The following SOS2 variants were observed in gnomAD, a reference collection of about 807,000 sequenced individuals.
SOS2 encodes SOS Ras/Rho guanine nucleotide exchange factor 2.
In SOS2, 65 loss-of-function variants were observed where a neutral mutation model predicts 148.2. That is an observed-to-expected ratio of 0.44 (90% CI 0.36 to 0.54). The LOEUF is 0.54. SOS2 is among the 20% of genes least tolerant of loss of function. SOS2 has a pLI of 0.00. For synonymous variants in SOS2, 539 were observed against 537.1 expected, an observed-to-expected ratio of 1.00 and a Z score of -0.05; for missense variants, 1,341 against 1,590.2, an observed-to-expected ratio of 0.84 and a Z score of 2.67.
chr14:50,159,434 C>G lies in SOS2; in HGVS notation c.1849G>C (p.Ala617Pro). 2 of 1,597,900 alleles carry G rather than the reference C, an allele frequency of 1.3e-6. No individual in the cohort carries two copies. Among genetic ancestry groups the G allele is most frequent in the Non-Finnish European group, 1.7e-6 (2 of 1,168,862 alleles). ...LIERLTYHMYADPNFVRTFLT... is the reference protein window; with the variant it reads ...LIERLTYHMYPDPNFVRTFLT... ...AGTTGTAATGAGTTTCACATACCTG[C>G]ATACATATGATATGTTAACCTTTCA... Residue 617 changes from alanine (A) to proline (P), a missense_variant, in exon 10 of 23, where the codon GCA becomes CCA. Physicochemically the swap from Ala to Pro is conservative, Grantham distance 27. Transcript: ENST00000216373.
At chr14:50,214,710 T>C (rs1265328798) in intron 1 of SOS2, among the ~76,000 whole-genome samples, 1 of 151,706 alleles carries the variant, frequency 6.6e-6, no homozygotes, top group East Asian at 1.9e-4. Flanking sequence ...CTTTTTTTTT[T>C]TTTTTTTCTT....
At chr14:50,194,903 C>T (rs1259684545) in intron 4 of SOS2, among the ~76,000 whole-genome samples, 1 of 151,870 alleles carries the variant, frequency 6.6e-6, no homozygotes, top group Non-Finnish European at 1.5e-5. Flanking sequence ...GGCACCTGGC[C>T]TTTTCAACAT....
chr14:50,186,200 TTATAG>T (rs1238336972), intron 5 of SOS2, among the ~76,000 whole-genome samples: 1 of 152,024 alleles, frequency 6.6e-6, no homozygotes, highest in Non-Finnish European at 1.5e-5. Flanking sequence ...CTAAAAAAAA[TTATAG>T]TAGATACAGA....
chr14:50,220,021 C>G (rs1238889543), intron 1 of SOS2, among the ~76,000 whole-genome samples: 1 of 151,670 alleles, frequency 6.6e-6, no homozygotes, highest in Non-Finnish European at 1.5e-5. Flanking sequence ...CACCAGCTCC[C>G]ATTTCTTGTT....
chr14:50,192,729 T>C (rs533461962), intron 4 of SOS2, among the ~76,000 whole-genome samples: 16 of 152,126 alleles, frequency 1.1e-4, no homozygotes, highest in African/African-American at 3.9e-4. Flanking sequence ...CCAGGCGTGG[T>C]GGCAAGTGCC....
intron 16 of SOS2, among the ~76,000 whole-genome samples, chr14:50,142,497 T>C (rs1186738378): frequency 6.6e-6 from 1 of 152,180 alleles, no homozygotes; most frequent in East Asian, 1.9e-4. Context: ...TCCCACATTA[T>C]TCTCAATACT....
intron 4 of SOS2, 48 bp from the exon 5 acceptor site, chr14:50,188,748 A>T: frequency 7.8e-7 from 1 of 1,288,088 alleles, no homozygotes; most frequent in Non-Finnish European, 1.1e-6. Flanking sequence ...CTTTACTTTT[A>T]TAAAAACTGC....
chr14:50,120,361 T>C lies in SOS2; in HGVS notation c.3403A>G (p.Ser1135Gly), dbSNP rs375478974. 25 of 1,590,776 alleles carry C rather than the reference T, an allele frequency of 1.6e-5. No homozygotes were observed. Among genetic ancestry groups the C allele is most frequent in the Non-Finnish European group, 1.9e-5 (22 of 1,161,032 alleles). The change falls in exon 22 of 23, where the codon AGT becomes GGT. Residue 1135 changes from serine (S) to glycine (G), a missense_variant. Around this residue, in one of 4 missense-constraint regions of SOS2, gnomAD observed 354 missense variants for 347.7 expected, o/e 1.02. Coordinates refer to ENST00000216373, the MANE Select transcript of SOS2 (RefSeq NM_006939.4). ...HSKSFFSSCG[S>G]LHKLSEEPLI... is the part of the protein sequence containing the mutation. Reference sequence around the variant, plus strand: ...GGCTCTTCACTTAGTTTATGTAAACTACCACATGAACTAAAGAAAGACTCT... The same window carrying C: ...GGCTCTTCACTTAGTTTATGTAAACCACCACATGAACTAAAGAAAGACTCT...
rs543155109 is a variant in SOS2, at chr14:50,200,959, C to T, written c.339G>A (p.Ser113=). The change falls in exon 3 of 23, where the codon TCG becomes TCA. Residue 113 remains serine, a synonymous_variant. Transcript: ENST00000216373. ...LLLPVDKIHP[S]LKEVLGYKVD... is the part of the protein sequence containing the mutation. ...ATGTTTAATCTTTTGTTACCTTCAA[C>T]GAAGGATGGATTTTGTCCACAGGCA... is the stretch of plus-strand genomic sequence containing the variant. 4.3e-6 allele frequency: 7 copies of T among 1,613,652 alleles called. No homozygotes were observed. The highest frequency in any genetic ancestry group is 2.7e-5 in the African/African-American group (2 of 74,988).
At chr14:50,119,720 G>C (rs903503021) in intron 22 of SOS2, among the ~76,000 whole-genome samples, 4 of 150,644 alleles carry the variant, frequency 2.7e-5, no homozygotes, top group Middle Eastern at 3.5e-3. Context: ...ATTTTTAGTA[G>C]AGACAGGGTT....
At chr14:50,189,251 C>T (rs967922894) in intron 4 of SOS2, among the ~76,000 whole-genome samples, 3 of 138,574 alleles carry the variant, frequency 2.2e-5, no homozygotes, top group African/African-American at 8.1e-5. Context: ...GAGATATGAA[C>T]TAATGGTGAA....
chr14:50,121,743 G>A (rs1372243602), intron 21 of SOS2, among the ~76,000 whole-genome samples: 2 of 152,004 alleles, frequency 1.3e-5, no homozygotes, highest in African/African-American at 2.4e-5. Context: ...ACTTCTGCGG[G>A]GGTGTCCTGT....
At chr14:50,215,398 A>T (rs1356483120) in intron 1 of SOS2, 1 of 1,284,886 alleles carries the variant, frequency 7.8e-7, no homozygotes, top group African/African-American at 1.5e-5. Context: ...ACAGGACATC[A>T]AGAGGACAAT....
rs1383883940 is a variant in SOS2 at position 50,204,896 on chromosome 14, TTTTC to T, written c.88-491_88-488del. Reference sequence around the variant, plus strand: ...AAGCACCCCACCTTTTTTTCTTTTTTTTTCTTTCTTTTTTTTTTTAAGCAGCTGC... The same window carrying T: ...AAGCACCCCACCTTTTTTTCTTTTTTTTTCTTTTTTTTTTTAAGCAGCTGC... On this transcript the variant is annotated intron_variant, in intron 1 of 22. Coordinates refer to ENST00000216373, the MANE Select transcript of SOS2 (RefSeq NM_006939.4). Among the ~76,000 whole-genome samples the T allele has an allele frequency of 5.2e-3, 161 of 31,096 alleles. 1 individual carries two copies. Among genetic ancestry groups the T allele is most frequent in the African/African-American group, 0.02 (153 of 7,780 alleles). 20.4% of individuals were successfully genotyped at this position (31,096 alleles called of 152,430 possible). A position where few individuals can be genotyped will look rare whatever the true frequency, so the allele number is the denominator to read the frequency against.
chr14:50,139,268 A>G (rs1480109116), intron 17 of SOS2, among the ~76,000 whole-genome samples: 1 of 146,574 alleles, frequency 6.8e-6, no homozygotes, highest in Non-Finnish European at 1.5e-5. Context: ...ATTACTTCTC[A>G]TTCATGAACA....
rs1887539792 is a variant in SOS2 at position 50,231,326 on chromosome 14, CCGGGCCGGTGGCCTGACAGGCAGGGCG to C, written c.-70_-44del. On this transcript the variant is annotated 5_prime_UTR_variant, in exon 1 of 23. Coordinates refer to ENST00000216373, the MANE Select transcript of SOS2 (RefSeq NM_006939.4). Reference sequence around the variant, plus strand: ...CTCCGCATCGGGGGCAGCCCGCGGGCCGGGCCGGTGGCCTGACAGGCAGGGCGCGGGCCGCCTCGCCTCGCCGGCGGC... The same window carrying C: ...CTCCGCATCGGGGGCAGCCCGCGGGCCGGGCCGCCTCGCCTCGCCGGCGGC... 12 of 1,163,248 alleles carry C rather than the reference CCGGGCCGGTGGCCTGACAGGCAGGGCG, an allele frequency of 1.0e-5. No homozygotes were observed. The highest frequency in any genetic ancestry group is 1.2e-5 in the Non-Finnish European group (11 of 891,152). The allele number at this position is 1,163,248 out of a possible 1,614,324, so 72.1% of individuals were successfully genotyped here. A position where few individuals can be genotyped will look rare whatever the true frequency, so the allele number is the denominator to read the frequency against.
chr14:50,219,801 G>T (rs1367767678), intron 1 of SOS2, among the ~76,000 whole-genome samples: 1 of 152,074 alleles, frequency 6.6e-6, no homozygotes, highest in Non-Finnish European at 1.5e-5. Context: ...AACCACAGCT[G>T]CATACTCTAA....
intron 1 of SOS2, among the ~76,000 whole-genome samples, chr14:50,216,734 C>T (rs1420537975): frequency 6.7e-6 from 1 of 150,206 alleles, no homozygotes; most frequent in Non-Finnish European, 1.5e-5. Context: ...GACTCAATAT[C>T]AAAAAATAAA....
Position 50,153,592 on chromosome 14 carries a change from A to G in SOS2, c.2058-419T>C, listed in dbSNP as rs966065272. The stretch of plus-strand genomic sequence containing the variant: ...ACTAAGATGTACTGTATCTGGTTCT[A>G]AATGCAAGTGCTATCATCAAATTTC... On this transcript the variant is annotated intron_variant, in intron 12 of 22. Transcript: ENST00000216373. 2.6e-5 allele frequency among the ~76,000 whole-genome samples: 4 copies of G among 152,132 alleles called. No individual in the cohort carries two copies. In the East Asian group the frequency reaches 7.7e-4, roughly 29 times the overall value.
Sources: allele counts gnomAD v4.1 joint callset (sites outside exome capture counted in the v4.1 genomes callset), GRCh38; gene constraint gnomAD v4.1.1; regional missense constraint gnomAD v4.1.1; transcripts MANE v1.5; gene names NCBI Gene and HGNC (gene_info 2026-07-23, HGNC 2026-07-21).